Variants in CD86 observed in about 807,000 individuals in gnomAD.
The protein encoded by CD86 is T-lymphocyte activation antigen CD86.
CD86 carries 11 observed loss-of-function variants against 32.1 expected under a neutral mutation model. That is an observed-to-expected ratio of 0.34 (90% CI 0.22 to 0.57). The LOEUF (loss-of-function observed/expected upper bound fraction) is 0.57. CD86 is among the 20% of genes least tolerant of loss of function. The probability of loss-of-function intolerance (pLI) is 0.86; values close to 1 mark genes in which losing one functional copy is unlikely to be tolerated. For synonymous variants in CD86, 137 were observed against 135.3 expected, an observed-to-expected ratio of 1.01 and a Z score of -0.09; for missense variants, 359 against 398.4, an observed-to-expected ratio of 0.90 and a Z score of 0.84.
At position 122,103,791 on chromosome 3, in the gene CD86, A is replaced by G. The variant is rs367934963; in HGVS notation, c.344A>G (p.Lys115Arg). 1.9e-6 allele frequency: 3 copies of G among 1,614,050 alleles called. No homozygotes were observed. Among genetic ancestry groups the G allele is most frequent in the South Asian group, 2.2e-5 (2 of 91,084 alleles). ...KGLYQCIIHH[K>R]KPTGMIRIHQ... The stretch of plus-strand genomic sequence containing the variant: ...TTGTATCAATGTATCATCCATCACA[A>G]AAAGCCCACAGGAATGATTCGCATC... The change falls in exon 3 of 7, where the codon AAA (lysine) becomes AGA (arginine). Residue 115 changes from lysine to arginine, a missense_variant. By Grantham distance (26) the Lys-to-Arg change is conservative (BLOSUM62 2). Coordinates refer to ENST00000330540, the MANE Select transcript of CD86 (RefSeq NM_175862.5).
At chr3:122,074,171 G>A (rs961988942) in intron 1 of CD86, among the ~76,000 whole-genome samples, 1 of 152,216 alleles carries the variant, frequency 6.6e-6, no homozygotes, top group Non-Finnish European at 1.5e-5. Context: ...AAAGCATGCT[G>A]CCTTTCTAGG....
chr3:122,110,025 A>G (rs2073149459), intron 5 of CD86, among the ~76,000 whole-genome samples: 1 of 152,208 alleles, frequency 6.6e-6, no homozygotes, highest in Non-Finnish European at 1.5e-5. Flanking sequence ...TTTTCTGTGT[A>G]TCAATCTATG....
intron 4 of CD86, 122 bp downstream of exon 4, chr3:122,106,622 A>G: frequency 1.2e-6 from 1 of 838,796 alleles, no homozygotes; most frequent in East Asian, 2.5e-5. Flanking sequence ...TGACGCTGTT[A>G]GGAAGGACCC....
chr3:122,093,020 C>A (rs1482812598), intron 2 of CD86, among the ~76,000 whole-genome samples: 4 of 152,292 alleles, frequency 2.6e-5, no homozygotes, highest in South Asian at 2.1e-4. Context: ...CAGCTTCCAA[C>A]CCCCAGGGCC....
At chr3:122,108,889 T>C (rs370446486) in intron 4 of CD86, among the ~76,000 whole-genome samples, 9 of 152,292 alleles carry the variant, frequency 5.9e-5, no homozygotes, top group African/African-American at 1.9e-4. Flanking sequence ...GGGAACTGAC[T>C]GCAGAGGGGG....
chr3:122,105,890 C>G (rs1392815820), intron 3 of CD86, among the ~76,000 whole-genome samples: 1 of 152,164 alleles, frequency 6.6e-6, no homozygotes, highest in East Asian at 1.9e-4. Flanking sequence ...TCCAAAGACT[C>G]TACTCCCTGG....
rs773436343 is a variant in CD86, at chr3:122,091,625, C to G, written c.39C>G (p.Leu13=). ...PQCTMGLSNI[L]FVMAFLLSGA... is the part of the protein sequence containing the mutation. ...GCACTATGGGACTGAGTAACATTCT[C>G]TTTGTGATGGCCTTCCTGCTCTCTG... is the stretch of plus-strand genomic sequence containing the variant. The change falls in exon 2 of 7, where the codon CTC becomes CTG. Residue 13 remains leucine (L), a synonymous_variant. Transcript: ENST00000330540. 1 of 1,613,008 alleles carries G rather than the reference C, an allele frequency of 6.2e-7. No homozygotes were observed. The highest frequency in any genetic ancestry group is 8.5e-7 in the Non-Finnish European group (1 of 1,179,240).
chr3:122,104,565 G>C (rs531530075), intron 3 of CD86, among the ~76,000 whole-genome samples: 1 of 152,148 alleles, frequency 6.6e-6, no homozygotes, highest in South Asian at 2.1e-4. Flanking sequence ...AGGACATAGA[G>C]CATTTCTATC....
chr3:122,108,900 G>A (rs3828358), intron 4 of CD86, among the ~76,000 whole-genome samples: 1 of 152,314 alleles, frequency 6.6e-6, no homozygotes, highest in East Asian at 1.9e-4. Flanking sequence ...GCAGAGGGGG[G>A]CAGGATAGCA....
intron 1 of CD86, among the ~76,000 whole-genome samples, chr3:122,072,077 G>T (rs1231599979): frequency 6.6e-6 from 1 of 150,782 alleles, no homozygotes; most frequent in Non-Finnish European, 1.5e-5. Flanking sequence ...TTTTATGGCT[G>T]CATAGTATTC....
At chr3:122,102,801 C>T (rs2073031579) in intron 2 of CD86, among the ~76,000 whole-genome samples, 1 of 152,096 alleles carries the variant, frequency 6.6e-6, no homozygotes, top group African/African-American at 2.4e-5. Flanking sequence ...TCTGAAAGAG[C>T]TTAGAGAGGT....
chr3:122,101,837 A>G (rs977204849), intron 2 of CD86, among the ~76,000 whole-genome samples: 1 of 152,062 alleles, frequency 6.6e-6, no homozygotes, highest in Admixed American at 6.5e-5. Context: ...TGATTCATAA[A>G]CACACTAAAT....
At chr3:122,107,275 G>A (rs2073106961) in intron 4 of CD86, among the ~76,000 whole-genome samples, 1 of 152,180 alleles carries the variant, frequency 6.6e-6, no homozygotes, top group Admixed American at 6.5e-5. Flanking sequence ...AAACTGTGGT[G>A]ACTTCCGTAG....
chr3:122,088,786 A>G lies in CD86; in HGVS notation c.15-2815A>G, dbSNP rs547476301. ...TAGTGTAGCAGTTCCTCAGAAAATT[A>G]AAAATAGAATGACCACATGATCTAG... On this transcript the variant is annotated intron_variant, in intron 1 of 6. Transcript: ENST00000330540. 3.3e-5 allele frequency among the ~76,000 whole-genome samples: 5 copies of G among 152,356 alleles called. No homozygotes were observed. The South Asian group carries it at 1.0e-3, about 32-fold the overall frequency.
At chr3:122,056,429 G>T (rs1244452601) in intron 1 of CD86, among the ~76,000 whole-genome samples, 1 of 152,192 alleles carries the variant, frequency 6.6e-6, no homozygotes, top group African/African-American at 2.4e-5. Context: ...CCGCCTCTCG[G>T]ATTCAAACGA....
intron 4 of CD86, among the ~76,000 whole-genome samples, chr3:122,107,355 G>A (rs76192921): frequency 4.7e-4 from 72 of 152,322 alleles, no homozygotes; most frequent in African/African-American, 1.7e-3. Flanking sequence ...TGTATCTGAC[G>A]TAAGTGCAGG....
At chr3:122,109,114 G>T in intron 4 of CD86, 151 bp from the exon 5 acceptor site, 1 of 736,844 alleles carries the variant, frequency 1.4e-6, no homozygotes, top group Non-Finnish European at 2.1e-6. Context: ...CTGAGCCTGG[G>T]ACTTTCTATG....
intron 1 of CD86, among the ~76,000 whole-genome samples, chr3:122,058,492 G>A (rs911622221): frequency 6.6e-6 from 1 of 152,160 alleles, no homozygotes; most frequent in Non-Finnish European, 1.5e-5. Flanking sequence ...GCTTTTGTAG[G>A]CCACCAGCTA....
At chr3:122,101,513 A>AAAAAAATATAT (rs1202377219) in intron 2 of CD86, among the ~76,000 whole-genome samples, 6 of 46,328 alleles carry the variant, frequency 1.3e-4, no homozygotes, top group East Asian at 5.8e-4. Flanking sequence ...AAAAAAAAAA[A>AAAAAAATATAT]ATATATATAT....
Sources: allele counts gnomAD v4.1 joint callset (sites outside exome capture counted in the v4.1 genomes callset), GRCh38; gene constraint gnomAD v4.1.1; transcripts MANE v1.5; gene names NCBI Gene and HGNC (gene_info 2026-07-23, HGNC 2026-07-21).